Variants in ALCAM observed in about 807,000 individuals in gnomAD.
ALCAM encodes the protein CD166 antigen.
ALCAM carries 30 observed loss-of-function variants against 70.9 expected under a neutral mutation model. The observed-to-expected ratio is 0.42, with a 90% CI of 0.32 to 0.57. The LOEUF (loss-of-function observed/expected upper bound fraction) is 0.57, where lower values mean the gene tolerates loss of function less well. Ranked by LOEUF, ALCAM falls within the 20% of genes least tolerant of loss-of-function variation. The pLI is 0.11. For missense variants in ALCAM, 591 were observed against 695.1 expected, an observed-to-expected ratio of 0.85 and a Z score of 1.68; for synonymous variants, 249 against 242.5, an observed-to-expected ratio of 1.03 and a Z score of -0.25.
chr3:105,513,228 G>T (rs556346994), intron 1 of ALCAM: 5 of 151,852 alleles, frequency 3.3e-5, no homozygotes, highest in African/African-American at 1.2e-4. Flanking sequence ...CATCATTTAG[G>T]AATGATGACT....
intron 1 of ALCAM, among the ~76,000 whole-genome samples, chr3:105,476,471 C>T (rs1051181590): frequency 2.0e-5 from 3 of 152,034 alleles, no homozygotes; most frequent in African/African-American, 4.8e-5. Flanking sequence ...AATAAGTACC[C>T]CATCTTCTTT....
At chr3:105,437,505 T>C (rs1395923463) in intron 1 of ALCAM, among the ~76,000 whole-genome samples, 1 of 152,084 alleles carries the variant, frequency 6.6e-6, no homozygotes, top group Non-Finnish European at 1.5e-5. Context: ...CAATAATTAA[T>C]AAGGAAGACA....
rs763977701 is a variant in ALCAM, at chr3:105,520,124, G to A, written c.131G>A (p.Arg44Gln). The A allele has an allele frequency of 1.9e-5, 31 of 1,612,684 alleles. No individual in the cohort carries two copies. In the East Asian group the frequency reaches 3.8e-4, roughly 20 times the overall value. ...AYGDTIIIPC[R>Q]LDVPQNLMFG... ...GGAGATACCATTATCATACCTTGCC[G>A]ACTTGACGTACCTCAGAATCTCATG... Residue 44 changes from arginine to glutamine, a missense_variant, in exon 2 of 16, where the codon CGA (arginine) becomes CAA (glutamine). By Grantham distance (43) the Arg-to-Gln change is conservative. Transcript: ENST00000306107.
rs1310671604 is a variant in ALCAM, at chr3:105,520,098, T to C, written c.105T>C (p.Tyr35=). ...GATGGTATACTGTAAATTCAGCATATGGAGATACCATTATCATACCTTGCC... is the reference window on the plus strand; with the variant it reads ...GATGGTATACTGTAAATTCAGCATACGGAGATACCATTATCATACCTTGCC... ...GLGWYTVNSA[Y]GDTIIIPCRL... Residue 35 remains tyrosine, a synonymous_variant, in exon 2 of 16, where the codon TAT becomes TAC. Coordinates refer to ENST00000306107, the MANE Select transcript of ALCAM (RefSeq NM_001627.4). The C allele has an allele frequency of 1.2e-6, 2 of 1,612,640 alleles. No individual in the cohort carries two copies. The highest frequency in any genetic ancestry group is 3.3e-5 in the Admixed American group (2 of 59,982).
rs148412563 is a variant in ALCAM at position 105,445,654 on chromosome 3, T to C, written c.74-74413T>C. The stretch of plus-strand genomic sequence containing the variant: ...AGACACACAGGCCAACAGAACAGAA[T>C]AGAGAAGATATAAATAAATTCATGC... On this transcript the variant is annotated intron_variant, in intron 1 of 15. Transcript: ENST00000306107. Among the ~76,000 whole-genome samples the C allele has an allele frequency of 2.0e-3, 304 of 152,218 alleles. 1 individual carries two copies. The highest frequency in any genetic ancestry group is 7.1e-3 in the African/African-American group (295 of 41,550).
rs561594880 is a variant in ALCAM, at chr3:105,385,026, T to C, written c.73+17545T>C. The stretch of plus-strand genomic sequence containing the variant: ...ACAATTTTTTAAAAAATCTTTTCTA[T>C]TACTTGAAAAAATGTCACCCATTTC... On this transcript the variant is annotated intron_variant, in intron 1 of 15. Transcript: ENST00000306107. Among the ~76,000 whole-genome samples, 11 of 151,710 alleles carry C rather than the reference T, an allele frequency of 7.3e-5. No individual in the cohort carries two copies. The South Asian group carries it at 1.0e-3, about 14-fold the overall frequency.
chr3:105,425,432 T>G (rs1346046891), intron 1 of ALCAM, among the ~76,000 whole-genome samples: 1 of 151,808 alleles, frequency 6.6e-6, no homozygotes, highest in Non-Finnish European at 1.5e-5. Flanking sequence ...GGAGATGTCT[T>G]ATGCTTTTTG....
At chr3:105,381,341 T>A (rs1935513843) in intron 1 of ALCAM, among the ~76,000 whole-genome samples, 1 of 151,976 alleles carries the variant, frequency 6.6e-6, no homozygotes, top group Non-Finnish European at 1.5e-5. Context: ...AATTGCCAGC[T>A]GTAGCTCCTC....
At chr3:105,468,215 T>C (rs1276947348) in intron 1 of ALCAM, among the ~76,000 whole-genome samples, 1 of 151,372 alleles carries the variant, frequency 6.6e-6, no homozygotes, top group Non-Finnish European at 1.5e-5. Context: ...TGCCGTTCTC[T>C]TTCTCTGGCA....
chr3:105,573,904 G>T (rs1471392580), intron 15 of ALCAM, among the ~76,000 whole-genome samples: 1 of 152,126 alleles, frequency 6.6e-6, no homozygotes, highest in Non-Finnish European at 1.5e-5. Context: ...TAGAATAATT[G>T]AAACAAGACT....
At position 105,435,822 on chromosome 3, in the gene ALCAM, G is replaced by C. The variant is rs865959700; in HGVS notation, c.73+68341G>C. Among the ~76,000 whole-genome samples, 6 of 151,688 alleles carry C rather than the reference G, an allele frequency of 4.0e-5. No individual in the cohort carries two copies. The South Asian group carries it at 1.2e-3, about 31-fold the overall frequency. On this transcript the variant is annotated intron_variant, in intron 1 of 15. Transcript: ENST00000306107. ...TTGTTTTTTTTTGAGACGGAGTCTC[G>C]CTCTGTCGCCCAGGCTGGAGTGCAG...
chr3:105,406,937 A>G (rs1413145129), intron 1 of ALCAM, among the ~76,000 whole-genome samples: 1 of 152,168 alleles, frequency 6.6e-6, no homozygotes, highest in African/African-American at 2.4e-5. Flanking sequence ...CTTTACGCAC[A>G]TAAACTAGAA....
In ALCAM at chr3:105,545,121, C is replaced by T. The variant is rs1009394080; in HGVS notation, c.992-102C>T. ...TAAATCAGTTCTGAATGTTCAAATGCAGTTAGAAGAAATTTATTTTCTTTC... is the reference window on the plus strand; with the variant it reads ...TAAATCAGTTCTGAATGTTCAAATGTAGTTAGAAGAAATTTATTTTCTTTC... On this transcript the variant is annotated intron_variant, in intron 8 of 15. Coordinates refer to ENST00000306107, the MANE Select transcript of ALCAM (RefSeq NM_001627.4). 3.9e-6 allele frequency: 3 copies of T among 772,092 alleles called. No individual in the cohort carries two copies. The African/African-American group carries it at 5.1e-5, about 13-fold the overall frequency. The allele number at this position is 772,092 out of a possible 1,614,324, so 47.8% of individuals were successfully genotyped here. A position where few individuals can be genotyped will look rare whatever the true frequency, so the allele number is the denominator to read the frequency against.
chr3:105,394,806 A>C (rs1395841398), intron 1 of ALCAM, among the ~76,000 whole-genome samples: 2 of 151,990 alleles, frequency 1.3e-5, no homozygotes. Flanking sequence ...TAAAACAAGC[A>C]TGGCAAACCA....
intron 14 of ALCAM, among the ~76,000 whole-genome samples, chr3:105,570,293 G>A (rs1940833362): frequency 1.3e-5 from 2 of 152,014 alleles, no homozygotes; most frequent in Non-Finnish European, 2.9e-5. Context: ...GAGATAAAAG[G>A]AGTAGAGAAT....
chr3:105,549,646 GA>G (rs939215818), intron 11 of ALCAM, among the ~76,000 whole-genome samples: 14 of 151,044 alleles, frequency 9.3e-5, no homozygotes, highest in African/African-American at 3.4e-4. Context: ...GAAAACTTTA[GA>G]AAAAAATGGT....
At chr3:105,488,110 G>A (rs1938481887) in intron 1 of ALCAM, among the ~76,000 whole-genome samples, 1 of 152,014 alleles carries the variant, frequency 6.6e-6, no homozygotes, top group Admixed American at 6.6e-5. Context: ...AAAGAGCCTG[G>A]CACTTTTCCC....
intron 1 of ALCAM, among the ~76,000 whole-genome samples, chr3:105,462,507 C>A (rs902148763): frequency 4.0e-5 from 6 of 151,258 alleles, no homozygotes; most frequent in African/African-American, 7.3e-5. Context: ...TAAAATATGA[C>A]AGTCTGGTTT....
At chr3:105,370,801 G>T (rs868273698) in intron 1 of ALCAM, among the ~76,000 whole-genome samples, 1 of 151,678 alleles carries the variant, frequency 6.6e-6, no homozygotes, top group South Asian at 2.1e-4. Flanking sequence ...AAGTAAGAAA[G>T]GATAGTAGGC....
Sources: gnomAD v4.1 joint callset for allele counts (sites outside exome capture counted in the v4.1 genomes callset) on GRCh38, gnomAD v4.1.1 for gene constraint, MANE v1.5 for transcripts, NCBI Gene and HGNC (gene_info 2026-07-23, HGNC 2026-07-21) for gene names.